VTA1: variants seen among roughly 807,000 people sequenced by gnomAD.
VTA1 encodes the protein vacuolar protein sorting-associated protein VTA1 homolog.
A neutral mutation model predicts 36.9 loss-of-function variants in VTA1; 24 were observed. The observed-to-expected ratio is 0.65, with a 90% confidence interval of 0.47 to 0.91. The LOEUF (loss-of-function observed/expected upper bound fraction) is 0.91. Among genes scored for constraint, VTA1 ranks in the 40% least tolerant of loss-of-function variants. The pLI, the probability that VTA1 is intolerant of heterozygous loss-of-function variation, is 0.00. For missense variants in VTA1, 393 were observed against 377.2 expected (o/e 1.04, Z -0.35); for synonymous variants, 142 against 130.2 (o/e 1.09, Z -0.62).
At chr6:142,176,830 T>C (rs550286680) in intron 4 of VTA1, among the ~76,000 whole-genome samples, 19 of 152,294 alleles carry the variant, frequency 1.2e-4, no homozygotes, top group African/African-American at 4.6e-4. Context: ...CACATTTTGA[T>C]TGGCACAGAT....
At chr6:142,180,653 C>T (rs928474716) in intron 4 of VTA1, among the ~76,000 whole-genome samples, 3 of 152,112 alleles carry the variant, frequency 2.0e-5, no homozygotes, top group Admixed American at 6.5e-5. Flanking sequence ...TTGTAACACA[C>T]CTCTTTAGGC....
intron 7 of VTA1, among the ~76,000 whole-genome samples, chr6:142,213,811 G>A (rs1213349175): frequency 6.6e-6 from 1 of 152,164 alleles, no homozygotes; most frequent in Non-Finnish European, 1.5e-5. Context: ...AGAGCAGCTG[G>A]CCCTGTATCT....
intron 5 of VTA1, among the ~76,000 whole-genome samples, chr6:142,192,455 TA>T (rs899060892): frequency 2.0e-5 from 3 of 152,040 alleles, no homozygotes; most frequent in African/African-American, 7.2e-5. Flanking sequence ...ATTAATGATA[TA>T]AAAAAAGAAC....
At chr6:142,157,335 C>T (rs759190692) in intron 1 of VTA1, among the ~76,000 whole-genome samples, 1 of 152,100 alleles carries the variant, frequency 6.6e-6, no homozygotes, top group Non-Finnish European at 1.5e-5. Flanking sequence ...AGTCTTATTG[C>T]TTGATTACTT....
intron 5 of VTA1, among the ~76,000 whole-genome samples, chr6:142,190,934 T>C (rs1051101954): frequency 6.6e-6 from 1 of 152,174 alleles, no homozygotes; most frequent in Non-Finnish European, 1.5e-5. Context: ...AACCCCAATC[T>C]AATTAATCTC....
rs894359929 is a variant in VTA1, at chr6:142,169,580, A to G, written c.238A>G (p.Ile80Val). 1 of 1,608,366 alleles carries G rather than the reference A, an allele frequency of 6.2e-7. No individual in the cohort carries two copies. The highest frequency in any genetic ancestry group is 8.5e-7 in the Non-Finnish European group (1 of 1,178,846). ...GAAGCAGTTGGGTGATAATGAAGCTATTACTCAAGAAATAGTGGGCTGTGC... is the reference window on the plus strand; with the variant it reads ...GAAGCAGTTGGGTGATAATGAAGCTGTTACTCAAGAAATAGTGGGCTGTGC... ...LKKQLGDNEA[I>V]TQEIVGCAHL... Residue 80 changes from isoleucine to valine, a missense_variant, in exon 3 of 8, where the codon ATT becomes GTT. Coordinates refer to ENST00000367630, the MANE Select transcript of VTA1 (RefSeq NM_016485.5).
intron 1 of VTA1, among the ~76,000 whole-genome samples, chr6:142,149,043 CTCTAGATT>C (rs1778514862): frequency 6.6e-6 from 1 of 152,194 alleles, no homozygotes; most frequent in Non-Finnish European, 1.5e-5. Flanking sequence ...CGTCCTTTCC[CTCTAGATT>C]TTTCTAAACC....
rs534067080 is a variant in VTA1, at chr6:142,201,904, T to A, written c.698-2081T>A. 4.6e-5 allele frequency among the ~76,000 whole-genome samples: 7 copies of A among 152,156 alleles called. No individual in the cohort carries two copies. In the South Asian group the frequency reaches 1.4e-3, roughly 31 times the overall value. ...TGTGTTCTTTCAGGAGTCTGTTTAATCACACTTTCTGGATAGTCTTCTCTA... is the reference window on the plus strand; with the variant it reads ...TGTGTTCTTTCAGGAGTCTGTTTAAACACACTTTCTGGATAGTCTTCTCTA... On this transcript the variant is annotated intron_variant, in intron 6 of 7. Transcript: ENST00000367630.
At chr6:142,201,429 A>G (rs1256428653) in intron 6 of VTA1, among the ~76,000 whole-genome samples, 2 of 151,920 alleles carry the variant, frequency 1.3e-5, no homozygotes, top group African/African-American at 4.8e-5. Context: ...AGGAGGTGCA[A>G]TGAGGACAGG....
intron 2 of VTA1, among the ~76,000 whole-genome samples, chr6:142,167,182 C>T (rs77103158): frequency 1.3e-5 from 2 of 152,062 alleles, no homozygotes; most frequent in African/African-American, 2.4e-5. Flanking sequence ...CCTAATATAA[C>T]GTCACAGATC....
chr6:142,172,140 A>C (rs190960191), intron 4 of VTA1, among the ~76,000 whole-genome samples: 2 of 152,264 alleles, frequency 1.3e-5, no homozygotes, highest in African/African-American at 4.8e-5. Context: ...CCTCCCAAGT[A>C]GCTGGGCCTA....
In VTA1 at chr6:142,204,010, T is replaced by C; in HGVS notation, c.723T>C (p.Pro241=). 1 of 1,613,590 alleles carries C rather than the reference T, an allele frequency of 6.2e-7. No individual in the cohort carries two copies. The highest frequency in any genetic ancestry group is 1.1e-5 in the South Asian group (1 of 91,080). ...STGVASNTIQ[P]TPQTIPAIDP... is the part of the protein sequence containing the mutation. Reference sequence around the variant, plus strand: ...GTGTAGCAAGTAATACTATCCAACCTACTCCACAGACTATACCTGCCATTG... The same window carrying C: ...GTGTAGCAAGTAATACTATCCAACCCACTCCACAGACTATACCTGCCATTG... Residue 241 remains proline (P), a synonymous_variant, in exon 7 of 8, where the codon CCT becomes CCC. Coordinates refer to ENST00000367630, the MANE Select transcript of VTA1 (RefSeq NM_016485.5).
chr6:142,164,272 G>A lies in VTA1; in HGVS notation c.113-1956G>A, dbSNP rs188677545. On this transcript the variant is annotated intron_variant, in intron 1 of 7. Coordinates refer to ENST00000367630, the MANE Select transcript of VTA1 (RefSeq NM_016485.5). ...TAACATTTGATCTGAGATCAAATTAGCATCCCTTTGTATGTCAAAGTGATC... is the reference window on the plus strand; with the variant it reads ...TAACATTTGATCTGAGATCAAATTAACATCCCTTTGTATGTCAAAGTGATC... 1.9e-3 allele frequency among the ~76,000 whole-genome samples: 289 copies of A among 152,222 alleles called. 3 individuals carry two copies. The highest frequency in any genetic ancestry group is 3.3e-3 in the Non-Finnish European group (227 of 68,002).
At chr6:142,190,618 G>A (rs897391751) in intron 5 of VTA1, among the ~76,000 whole-genome samples, 12 of 152,284 alleles carry the variant, frequency 7.9e-5, no homozygotes, top group African/African-American at 2.9e-4. Flanking sequence ...TAAATAGATG[G>A]TTATAAAGAG....
chr6:142,209,733 T>A (rs943241329), intron 7 of VTA1, among the ~76,000 whole-genome samples: 1 of 151,582 alleles, frequency 6.6e-6, no homozygotes, highest in Non-Finnish European at 1.5e-5. Flanking sequence ...CTATAAAAAA[T>A]TCTGATAAAT....
chr6:142,189,086 G>A (rs982733007), intron 4 of VTA1, among the ~76,000 whole-genome samples: 2 of 151,832 alleles, frequency 1.3e-5, no homozygotes, highest in Non-Finnish European at 2.9e-5. Context: ...TTTATATTTA[G>A]TCTTAGATTT....
At chr6:142,150,917 A>G (rs1489842668) in intron 1 of VTA1, among the ~76,000 whole-genome samples, 1 of 151,882 alleles carries the variant, frequency 6.6e-6, no homozygotes, top group Non-Finnish European at 1.5e-5. Context: ...CATCTCCAAA[A>G]AAAAAAAAAA....
chr6:142,189,934 C>T lies in VTA1; in HGVS notation c.520+400C>T, dbSNP rs529979796. Among the ~76,000 whole-genome samples the T allele has an allele frequency of 8.6e-5, 13 of 151,878 alleles. No individual in the cohort carries two copies. The East Asian group carries it at 1.6e-3, about 18-fold the overall frequency. On this transcript the variant is annotated intron_variant, in intron 5 of 7. Coordinates refer to ENST00000367630, the MANE Select transcript of VTA1 (RefSeq NM_016485.5). ...ACCACGCCTGGCTAATTTTTTTGTA[C>T]TTTTAGTAGAGACGGGGTTTCACTG...
chr6:142,204,974 T>A (rs1775762216), intron 7 of VTA1, among the ~76,000 whole-genome samples: 1 of 152,192 alleles, frequency 6.6e-6, no homozygotes, highest in South Asian at 2.1e-4. Flanking sequence ...TCCGCCTGCC[T>A]CAGCCTCCCA....
Sources: allele counts gnomAD v4.1 joint callset (sites outside exome capture counted in the v4.1 genomes callset), GRCh38; gene constraint gnomAD v4.1.1; transcripts MANE v1.5; gene names NCBI Gene and HGNC (gene_info 2026-07-23, HGNC 2026-07-21).